The following NFIA variants were observed in gnomAD, a reference collection of about 807,000 sequenced individuals.
NFIA encodes nuclear factor 1 A-type.
NFIA carries 8 observed loss-of-function variants against 62.8 expected under a neutral mutation model. That is an observed-to-expected ratio of 0.13 (90% CI 0.07 to 0.23). The LOEUF is 0.23. Among genes scored for constraint, NFIA ranks in the 10% least tolerant of loss-of-function variants. NFIA has a pLI of 1.00. For missense variants in NFIA, 410 were observed against 642.1 expected, an observed-to-expected ratio of 0.64 and a Z score of 3.91; for synonymous variants, 235 against 238.1, an observed-to-expected ratio of 0.99 and a Z score of 0.12.
intron 4 of NFIA, among the ~76,000 whole-genome samples, chr1:61,349,025 G>A (rs572853886): frequency 2.0e-5 from 3 of 152,308 alleles, no homozygotes; most frequent in African/African-American, 7.2e-5. Flanking sequence ...CCTACTGTAT[G>A]TCAGCTTGCT....
intron 9 of NFIA, among the ~76,000 whole-genome samples, chr1:61,418,989 T>C (rs1351442168): frequency 6.6e-6 from 1 of 152,232 alleles, no homozygotes; most frequent in Non-Finnish European, 1.5e-5. Context: ...TCAATAAACA[T>C]TTTCTGTCAA....
intron 7 of NFIA, among the ~76,000 whole-genome samples, chr1:61,391,707 C>T (rs900893600): frequency 2.0e-5 from 3 of 152,218 alleles, no homozygotes; most frequent in Admixed American, 6.5e-5. Flanking sequence ...TGGCGTTTCA[C>T]TACTACTGTA....
intron 2 of NFIA, among the ~76,000 whole-genome samples, chr1:61,261,468 G>A (rs1314238989): frequency 2.6e-5 from 4 of 152,220 alleles, no homozygotes; most frequent in Admixed American, 6.5e-5. Context: ...AACGTTAAGT[G>A]TTCTGAGCAC....
At chr1:61,209,903 G>GA (rs1488913151) in intron 2 of NFIA, among the ~76,000 whole-genome samples, 7 of 152,102 alleles carry the variant, frequency 4.6e-5, no homozygotes, top group Non-Finnish European at 7.4e-5. Context: ...GGAAAATACA[G>GA]AAAAATGGAA....
At position 61,245,805 on chromosome 1, in the gene NFIA, T is replaced by C. The variant is rs78049696; in HGVS notation, c.560-31715T>C. 8.0e-3 allele frequency among the ~76,000 whole-genome samples: 1,219 copies of C among 152,288 alleles called. 12 individuals are homozygous for C. Among genetic ancestry groups the C allele is most frequent in the African/African-American group, 0.028 (1,164 of 41,564 alleles). On this transcript the variant is annotated intron_variant, in intron 2 of 10. Coordinates refer to ENST00000403491, the MANE Select transcript of NFIA (RefSeq NM_001134673.4). The stretch of plus-strand genomic sequence containing the variant: ...GAAAATAGAAACAGTTACTAAAAAC[T>C]TGTAGTCATTCTGTGATATAAATTC...
chr1:61,343,985 TCACAGC>T (rs1662072916), intron 4 of NFIA, among the ~76,000 whole-genome samples: 1 of 152,212 alleles, frequency 6.6e-6, no homozygotes, highest in Non-Finnish European at 1.5e-5. Flanking sequence ...TTACAGCCTC[TCACAGC>T]CACAGTCAGG....
chr1:61,286,264 T>TA (rs113974780), intron 3 of NFIA, among the ~76,000 whole-genome samples: 18,596 of 143,212 alleles, frequency 0.13, 1,300 homozygotes, highest in South Asian at 0.32. Flanking sequence ...TGTCTCTACT[T>TA]AAAAAAAAAA....
At chr1:61,086,745 T>C (rs538350583) in intron 1 of NFIA, among the ~76,000 whole-genome samples, 1 of 152,328 alleles carries the variant, frequency 6.6e-6, no homozygotes, top group African/African-American at 2.4e-5. Context: ...TATTTTACCT[T>C]ATCAGTTCAC....
chr1:61,088,122 T>C lies in NFIA; in HGVS notation c.28-27T>C, dbSNP rs774535874. 1.3e-6 allele frequency: 2 copies of C among 1,561,554 alleles called. No homozygotes were observed. The highest frequency in any genetic ancestry group is 1.2e-5 in the South Asian group (1 of 82,268). ...TTTTCTTTTGTTTTCATTCTACTTA[T>C]ATTTTTCTTTTTGTTCATTTTCCTA... On this transcript the variant is annotated intron_variant, in intron 1 of 10. Coordinates refer to ENST00000403491, the MANE Select transcript of NFIA (RefSeq NM_001134673.4). The surrounding 1 kb of genome is among the most constrained non-coding windows in gnomAD (Gnocchi z 4.5).
At chr1:61,189,438 G>A (rs752214075) in intron 2 of NFIA, among the ~76,000 whole-genome samples, 7 of 152,094 alleles carry the variant, frequency 4.6e-5, no homozygotes, top group African/African-American at 9.7e-5. Flanking sequence ...AGGCCGAGGT[G>A]GGCTGATCAT....
chr1:61,253,722 A>G (rs1012129746), intron 2 of NFIA, among the ~76,000 whole-genome samples: 1 of 152,234 alleles, frequency 6.6e-6, no homozygotes, highest in Non-Finnish European at 1.5e-5. Flanking sequence ...AGAGACCTCA[A>G]TTTTTGAAAG....
intron 2 of NFIA, among the ~76,000 whole-genome samples, chr1:61,216,331 T>G (rs2100610461): frequency 6.6e-6 from 1 of 152,176 alleles, no homozygotes; most frequent in East Asian, 1.9e-4. Context: ...TGGGTTTCAA[T>G]TTTTATCTGT....
At chr1:61,409,433 C>G (rs897129400) in intron 9 of NFIA, among the ~76,000 whole-genome samples, 3 of 152,108 alleles carry the variant, frequency 2.0e-5, no homozygotes, top group African/African-American at 7.2e-5. Context: ...GCTGGGAGAG[C>G]TGTAATTTAT....
intron 1 of NFIA, among the ~76,000 whole-genome samples, chr1:61,083,407 T>C (rs1428017410): frequency 1.3e-5 from 2 of 152,012 alleles, no homozygotes; most frequent in Non-Finnish European, 2.9e-5. Context: ...CTCTTACTTT[T>C]GTTTATTGTT....
At chr1:61,336,323 A>G (rs1661605587) in intron 4 of NFIA, among the ~76,000 whole-genome samples, 1 of 151,064 alleles carries the variant, frequency 6.6e-6, no homozygotes, top group Non-Finnish European at 1.5e-5. Flanking sequence ...TTTTTCCTGG[A>G]TTTGTTTTTA....
intron 2 of NFIA, among the ~76,000 whole-genome samples, chr1:61,173,869 A>G (rs1650146177): frequency 6.6e-6 from 1 of 152,158 alleles, no homozygotes; most frequent in Admixed American, 6.5e-5. Flanking sequence ...TATTCTGTAC[A>G]GCTGGGGTGA....
At chr1:61,190,435 G>A (rs1467497885) in intron 2 of NFIA, among the ~76,000 whole-genome samples, 1 of 152,226 alleles carries the variant, frequency 6.6e-6, no homozygotes, top group Non-Finnish European at 1.5e-5. Flanking sequence ...GAGTTGTGCT[G>A]CTGTAAGAAT....
intron 2 of NFIA, among the ~76,000 whole-genome samples, chr1:61,269,482 A>G (rs1257061804): frequency 6.6e-6 from 1 of 152,222 alleles, no homozygotes; most frequent in African/African-American, 2.4e-5. Context: ...TTATGATAGA[A>G]GGTGACAAAG....
chr1:61,428,422 G>C (rs1034896325), intron 10 of NFIA, among the ~76,000 whole-genome samples: 1 of 147,726 alleles, frequency 6.8e-6, no homozygotes, highest in South Asian at 2.1e-4. Flanking sequence ...AATATTTGGC[G>C]TCATGGGGAC....
Sources: allele counts gnomAD v4.1 joint callset (sites outside exome capture counted in the v4.1 genomes callset), GRCh38; gene constraint gnomAD v4.1.1; non-coding constraint Gnocchi (gnomAD v3.1); transcripts MANE v1.5; gene names NCBI Gene and HGNC (gene_info 2026-07-23, HGNC 2026-07-21).